Variants in ERC1 observed in about 807,000 individuals in gnomAD.
ERC1 encodes the protein RAB6 interacting protein 2.
In ERC1, 56 loss-of-function variants were observed where a neutral mutation model predicts 132.0. That is an observed-to-expected ratio of 0.42 (90% confidence interval 0.34 to 0.53). The LOEUF (loss-of-function observed/expected upper bound fraction) is 0.53. ERC1 is among the 20% of genes least tolerant of loss of function. The pLI, the probability that ERC1 is intolerant of heterozygous loss-of-function variation, is 0.03. For synonymous variants in ERC1, 478 were observed against 476.1 expected (o/e 1.00, Z -0.05); for missense variants, 1,202 against 1,349.9 (o/e 0.89, Z 1.72).
At chr12:1,179,488 C>G (rs1203142295) in intron 8 of ERC1, among the ~76,000 whole-genome samples, 1 of 140,102 alleles carries the variant, frequency 7.1e-6, no homozygotes. Context: ...AAAAATGAGT[C>G]TATTCATTTT....
At position 1,193,503 on chromosome 12, in the gene ERC1, AG is replaced by A. The variant is rs1199856517; in HGVS notation, c.2351+3452del. ...ATACACACATATATAAACACACACA[AG>A]CATACATATATTATGAGATTTATAC... On this transcript the variant is annotated intron_variant, in intron 12 of 18. Transcript: ENST00000360905. Among the ~76,000 whole-genome samples, 3 of 151,702 alleles carry A rather than the reference AG, an allele frequency of 2.0e-5. No individual in the cohort carries two copies. The East Asian group carries it at 5.8e-4, about 29-fold the overall frequency.
chr12:1,111,575 C>T (rs1409421552), intron 5 of ERC1, among the ~76,000 whole-genome samples: 1 of 151,742 alleles, frequency 6.6e-6, no homozygotes, highest in African/African-American at 2.4e-5. Context: ...ACTTTCATTT[C>T]AGTTTTAGAA....
intron 12 of ERC1, among the ~76,000 whole-genome samples, chr12:1,217,075 C>A (rs192377771): frequency 3.5e-4 from 54 of 152,310 alleles, no homozygotes; most frequent in African/African-American, 1.2e-3. Context: ...GTGCTTTCCT[C>A]TGTCATTATG....
intron 2 of ERC1, among the ~76,000 whole-genome samples, chr12:1,065,347 G>A (rs1938908515): frequency 6.6e-6 from 1 of 152,074 alleles, no homozygotes; most frequent in African/African-American, 2.4e-5. Flanking sequence ...CAGAAAATCC[G>A]CTTGATGTAG....
chr12:1,129,085 T>C (rs1181859075), intron 7 of ERC1, among the ~76,000 whole-genome samples: 1 of 152,212 alleles, frequency 6.6e-6, no homozygotes, highest in Non-Finnish European at 1.5e-5. Flanking sequence ...ATTTTGATGA[T>C]AGGAATGGAT....
intron 2 of ERC1, among the ~76,000 whole-genome samples, chr12:1,059,860 G>A (rs1973673628): frequency 6.6e-6 from 1 of 152,178 alleles, no homozygotes; most frequent in Admixed American, 6.5e-5. Flanking sequence ...TATAGAGTAA[G>A]TTACAAAGAA....
At chr12:1,396,991 G>A (rs1430018206) in intron 16 of ERC1, among the ~76,000 whole-genome samples, 1 of 152,158 alleles carries the variant, frequency 6.6e-6, no homozygotes, top group African/African-American at 2.4e-5. Context: ...AAGTTATCAA[G>A]CCTGTACCTT....
chr12:1,227,860 C>A (rs1201172633), intron 12 of ERC1, among the ~76,000 whole-genome samples: 1 of 152,196 alleles, frequency 6.6e-6, no homozygotes, highest in African/African-American at 2.4e-5. Flanking sequence ...CAATTTCATT[C>A]TCCTGCATGT....
chr12:1,263,091 A>G lies in ERC1; in HGVS notation c.2545A>G (p.Ser849Gly), dbSNP rs773227478. The change falls in exon 14 of 19, where the codon AGT becomes GGT. Residue 849 changes from serine to glycine, a missense_variant. Ser to Gly is a moderately conservative substitution (Grantham distance 56, BLOSUM62 0). Coordinates refer to ENST00000360905, the MANE Select transcript of ERC1 (RefSeq NM_178040.4). ...AGAGCTGGAAGAAGCACTAAGAGAA[A>G]GTGTACAGATAACTGCAGAGCGGGA... The part of the protein sequence containing the change: ...IEELEEALRE[S>G]VQITAEREMV... 1 of 1,614,120 alleles carries G rather than the reference A, an allele frequency of 6.2e-7. No homozygotes were observed. Among genetic ancestry groups the G allele is most frequent in the Non-Finnish European group, 8.5e-7 (1 of 1,179,974 alleles).
chr12:1,242,108 A>G (rs910926702), intron 13 of ERC1, among the ~76,000 whole-genome samples: 13 of 151,680 alleles, frequency 8.6e-5, no homozygotes, highest in African/African-American at 2.9e-4. Flanking sequence ...CGGCCTCCCA[A>G]AGTGCTGGGA....
intron 15 of ERC1, among the ~76,000 whole-genome samples, chr12:1,350,380 A>G (rs1193540150): frequency 1.3e-5 from 2 of 152,152 alleles, no homozygotes; most frequent in South Asian, 2.1e-4. Flanking sequence ...AGGAAATTGT[A>G]TCTTGTTCTG....
intron 15 of ERC1, among the ~76,000 whole-genome samples, chr12:1,368,946 G>C (rs1368001663): frequency 4.6e-5 from 7 of 152,104 alleles, no homozygotes; most frequent in Admixed American, 4.6e-4. Context: ...CGTTGTAAAT[G>C]GAAAGCAGAA....
At chr12:1,208,957 ATTTTTT>A (rs538961813) in intron 12 of ERC1, among the ~76,000 whole-genome samples, 3,899 of 71,330 alleles carry the variant, frequency 0.055, 86 homozygotes, top group Middle Eastern at 0.098. Flanking sequence ...CGCCCAGCTG[ATTTTTT>A]TTTTTTTTTT....
chr12:1,181,814 ACT>A, intron 9 of ERC1, 109 bp from the exon 10 acceptor site: 1 of 1,210,120 alleles, frequency 8.3e-7, no homozygotes, highest in African/African-American at 1.5e-5. Context: ...TTCTTTAAAA[ACT>A]TACCATTGTC....
chr12:1,044,970 T>C lies in ERC1; in HGVS notation c.669+16398T>C, dbSNP rs566377565. 2.0e-5 allele frequency among the ~76,000 whole-genome samples: 3 copies of C among 152,264 alleles called. No individual in the cohort carries two copies. In the South Asian group the frequency reaches 6.2e-4, roughly 32 times the overall value. ...GTAGTATTGCTGGAAATGAATTTTT[T>C]ATTGCTCTATTTTCTTTCTTTGGTA... On this transcript the variant is annotated intron_variant, in intron 2 of 18. Coordinates refer to ENST00000360905, the MANE Select transcript of ERC1 (RefSeq NM_178040.4).
chr12:1,373,547 C>T (rs1050721903), intron 16 of ERC1, among the ~76,000 whole-genome samples: 1 of 152,178 alleles, frequency 6.6e-6, no homozygotes, highest in Non-Finnish European at 1.5e-5. Flanking sequence ...TTTGGGAGGC[C>T]AAGGCGGGTG....
At chr12:992,738 A>G (rs1279653529) in intron 1 of ERC1, among the ~76,000 whole-genome samples, 1 of 152,250 alleles carries the variant, frequency 6.6e-6, no homozygotes, top group Non-Finnish European at 1.5e-5. Flanking sequence ...GTTAGATTAC[A>G]GTATTCTCTG....
rs1963035452 is a variant in ERC1, at chr12:1,004,272, T to TA, written c.-157+12954dup. On this transcript the variant is annotated intron_variant, in intron 1 of 18. Transcript: ENST00000360905. ...TAGATTTTTATTCATTAGTAAATGT[T>TA]AAAATGTGTCCAGTGTGTTTCGTAT... Among the ~76,000 whole-genome samples, 14 of 152,292 alleles carry TA rather than the reference T, an allele frequency of 9.2e-5. 1 individual carries two copies. In the South Asian group the frequency reaches 2.7e-3, roughly 29 times the overall value.
At chr12:1,031,311 ATACACG>A (rs1209530331) in intron 2 of ERC1, among the ~76,000 whole-genome samples, 2 of 152,222 alleles carry the variant, frequency 1.3e-5, no homozygotes, top group African/African-American at 4.8e-5. Flanking sequence ...CTCTATGCAT[ATACACG>A]TAACGGATTT....
Sources: gnomAD v4.1 joint callset for allele counts (sites outside exome capture counted in the v4.1 genomes callset) on GRCh38, gnomAD v4.1.1 for gene constraint, MANE v1.5 for transcripts, NCBI Gene and HGNC (gene_info 2026-07-23, HGNC 2026-07-21) for gene names.